Variants in ZNF607 observed in about 807,000 individuals in gnomAD.
ZNF607 encodes the protein zinc finger protein 607.
ZNF607 carries 5 observed loss-of-function variants against 12.8 expected under a neutral mutation model. That is an observed-to-expected ratio of 0.39 (90% CI 0.20 to 0.82). The LOEUF is 0.82. Among genes scored for constraint, ZNF607 ranks in the 40% least tolerant of loss-of-function variants. The pLI is 0.39. For missense variants in ZNF607, 851 were observed against 859.2 expected, an observed-to-expected ratio of 0.99 and a Z score of 0.12; for synonymous variants, 287 against 276.2, an observed-to-expected ratio of 1.04 and a Z score of -0.39.
rs1267747661 is a variant in ZNF607, at chr19:37,698,645, G to A, written c.1486C>T (p.Arg496Cys). 3 of 1,613,696 alleles carry A rather than the reference G, an allele frequency of 1.9e-6. No individual in the cohort carries two copies. Among genetic ancestry groups the A allele is most frequent in the Admixed American group, 3.3e-5 (2 of 59,968 alleles). Residue 496 changes from arginine to cysteine, a missense_variant, in exon 5 of 5, where the codon CGC becomes TGC. Coordinates refer to ENST00000355202, the MANE Select transcript of ZNF607 (RefSeq NM_032689.5). ...GGTTTCTCACCAGTATGAACTCTGC[G>A]ATGTATAGTGAGTTTATGGCTATAA... ...FSYSHKLTIH[R>C]RVHTGEKPYE... is the part of the protein sequence containing the mutation.
chr19:37,714,279 G>A (rs374384182), intron 1 of ZNF607, among the ~76,000 whole-genome samples: 12 of 150,876 alleles, frequency 8.0e-5, no homozygotes, highest in Admixed American at 2.7e-4. Context: ...CCAAGATCGC[G>A]CCACTGCACT....
At position 37,709,327 on chromosome 19, in the gene ZNF607, A is replaced by G. The variant is rs186858676; in HGVS notation, c.136+369T>C. ...TAATATCACTGCAAATGGATCAGAT[A>G]ATAAAATGGAGCACTATAGCAATTC... On this transcript the variant is annotated intron_variant, in intron 3 of 4. Transcript: ENST00000355202. Among the ~76,000 whole-genome samples, 162 of 152,364 alleles carry G rather than the reference A, an allele frequency of 1.1e-3. 3 individuals carry two copies. The highest frequency in any genetic ancestry group is 3.8e-3 in the African/African-American group (158 of 41,582).
At position 37,696,688 on chromosome 19, in the gene ZNF607, T is replaced by C; in HGVS notation, c.*1352A>G. The C allele has an allele frequency of 1.4e-6, 1 of 733,112 alleles. No homozygotes were observed. The highest frequency in any genetic ancestry group is 2.5e-6 in the Non-Finnish European group (1 of 406,818). 45.4% of individuals were successfully genotyped at this position (733,112 alleles called of 1,614,324 possible). ...GGTGATGTTCCGAGAGCATGAGAGC[T>C]GGTATGCAATGTCTTCTGCAGCTTC... On this transcript the variant is annotated 3_prime_UTR_variant, in exon 5 of 5. Coordinates refer to ENST00000355202, the MANE Select transcript of ZNF607 (RefSeq NM_032689.5).
chr19:37,711,671 G>A lies in ZNF607; in HGVS notation c.-53C>T. ...TCCTTGGCGTTTCTCTACCAGAAGA[G>A]CAAAGTCAAAAGAACCAAGACCTGA... On this transcript the variant is annotated 5_prime_UTR_variant, in exon 2 of 5. Coordinates refer to ENST00000355202, the MANE Select transcript of ZNF607 (RefSeq NM_032689.5). 1 of 1,602,796 alleles carries A rather than the reference G, an allele frequency of 6.2e-7. No homozygotes were observed.
At chr19:37,703,735 T>C (rs1399983142) in intron 4 of ZNF607, among the ~76,000 whole-genome samples, 1 of 152,108 alleles carries the variant, frequency 6.6e-6, no homozygotes, top group Non-Finnish European at 1.5e-5. Flanking sequence ...GATCAGTCTA[T>C]CAAGAAAACA....
chr19:37,702,386 G>A (rs1233589483), intron 4 of ZNF607, among the ~76,000 whole-genome samples: 4 of 147,396 alleles, frequency 2.7e-5, no homozygotes, highest in Non-Finnish European at 6.0e-5. Context: ...AAAAAACAAA[G>A]ATTTTGGCAG....
In ZNF607 at chr19:37,698,359, C is replaced by T. The variant is rs2044997956; in HGVS notation, c.1772G>A (p.Cys591Tyr). 1 of 1,614,126 alleles carries T rather than the reference C, an allele frequency of 6.2e-7. No individual in the cohort carries two copies. The highest frequency in any genetic ancestry group is 8.5e-7 in the Non-Finnish European group (1 of 1,180,008). Residue 591 changes from cysteine to tyrosine, a missense_variant, in exon 5 of 5, where the codon TGT becomes TAT. Cys to Tyr is a radical substitution (Grantham distance 194). Coordinates refer to ENST00000355202, the MANE Select transcript of ZNF607 (RefSeq NM_032689.5). ...ACTAAAAGTTTCCCCACATTCTTTA[C>T]ATTCATAGGACTTTTCACCAGCATG... Reference protein sequence around the residue: ...RTHAGEKSYECKECGETFSHA... With the variant: ...RTHAGEKSYEYKECGETFSHA...
chr19:37,699,324 T>C lies in ZNF607; in HGVS notation c.807A>G (p.Lys269=). The change falls in exon 5 of 5, where the codon AAA becomes AAG. Residue 269 remains lysine, a synonymous_variant. Coordinates refer to ENST00000355202, the MANE Select transcript of ZNF607 (RefSeq NM_032689.5). ...GKSFRLKAGL[K]VHQSIHTGEK... ...CTCCAGTATGAATACTCTGATGTAC[T>C]TTAAGGCCTGCTTTGAGCCTAAAGG... The C allele has an allele frequency of 6.2e-7, 1 of 1,613,972 alleles. No homozygotes were observed. The highest frequency in any genetic ancestry group is 1.7e-4 in the Middle Eastern group (1 of 6,058).
intron 4 of ZNF607, among the ~76,000 whole-genome samples, chr19:37,707,453 A>C (rs1031752014): frequency 1.3e-5 from 2 of 152,014 alleles, no homozygotes; most frequent in Non-Finnish European, 2.9e-5. Flanking sequence ...CAAAAACAAA[A>C]AAAAGGTTGG....
chr19:37,713,686 G>C (rs903620080), intron 1 of ZNF607, among the ~76,000 whole-genome samples: 3 of 151,944 alleles, frequency 2.0e-5, no homozygotes, highest in Non-Finnish European at 4.4e-5. Flanking sequence ...TGATCTGCCA[G>C]CCTCAGCCTC....
chr19:37,699,407 G>A lies in ZNF607; in HGVS notation c.724C>T (p.Arg242Ter), dbSNP rs751793603. The part of the protein sequence containing the change: ...KAFSVYGRLS[R>*]HQSIHTGEKP... The stretch of plus-strand genomic sequence containing the variant: ...TCACCAGTGTGAATACTCTGATGTC[G>A]ACTAAGTCGTCCATACACACTAAAG... Residue 242 changes from arginine (R) to a stop codon, truncating the protein, a stop_gained, in exon 5 of 5, where the codon CGA becomes TGA. Coordinates refer to ENST00000355202, the MANE Select transcript of ZNF607 (RefSeq NM_032689.5). LOFTEE classifies it low-confidence loss of function (END_TRUNC). 8.7e-5 allele frequency: 140 copies of A among 1,614,000 alleles called. No homozygotes were observed. Among genetic ancestry groups the A allele is most frequent in the Non-Finnish European group, 1.1e-4 (132 of 1,179,986 alleles).
Position 37,718,016 on chromosome 19 carries a change from C to T in ZNF607, c.-75+1253G>A, listed in dbSNP as rs189312433. ...ATTTTCTTAACCATTCCCATAATCT[C>T]GTTCATTAGTTTTCTGCAAAACCAT... On this transcript the variant is annotated intron_variant, in intron 1 of 4. Coordinates refer to ENST00000355202, the MANE Select transcript of ZNF607 (RefSeq NM_032689.5). Among the ~76,000 whole-genome samples the T allele has an allele frequency of 3.9e-5, 6 of 152,130 alleles. No homozygotes were observed. In the East Asian group the frequency reaches 9.7e-4, roughly 25 times the overall value.
rs771568143 is a variant in ZNF607 at position 37,699,157 on chromosome 19, G to C, written c.974C>G (p.Thr325Ser). The change falls in exon 5 of 5, where the codon ACC becomes AGC. Residue 325 changes from threonine (T) to serine (S), a missense_variant. Transcript: ENST00000355202. ...CCCTGAATAAATTCTCTGATGCATG[G>C]TAAGTTGATACCTACATGTAAAGCC... ...GKGFTCRYQL[T>S]MHQRIYSGEK... is the part of the protein sequence containing the mutation. The C allele has an allele frequency of 6.2e-7, 1 of 1,614,122 alleles. No homozygotes were observed. The highest frequency in any genetic ancestry group is 1.3e-5 in the African/African-American group (1 of 75,036).
chr19:37,712,910 G>C (rs139046205), intron 1 of ZNF607, among the ~76,000 whole-genome samples: 3 of 152,156 alleles, frequency 2.0e-5, no homozygotes, highest in Non-Finnish European at 4.4e-5. Flanking sequence ...TTAGAATTGT[G>C]TCTCCAACAA....
chr19:37,698,525 T>G lies in ZNF607; in HGVS notation c.1606A>C (p.Asn536His), dbSNP rs2045001270. ...AACCTAAAAGACTTCCCGCATTTGT[T>G]GCATTCAAAGGGTTTCTTACCACTG... is the stretch of plus-strand genomic sequence containing the variant. ...IHSGKKPFEC[N>H]KCGKSFRFIS... The change falls in exon 5 of 5, where the codon AAC becomes CAC. Residue 536 changes from asparagine to histidine, a missense_variant. Coordinates refer to ENST00000355202, the MANE Select transcript of ZNF607 (RefSeq NM_032689.5). The G allele has an allele frequency of 1.9e-6, 3 of 1,611,876 alleles. No homozygotes were observed. Among genetic ancestry groups the G allele is most frequent in the East Asian group, 2.2e-5 (1 of 44,840 alleles).
At chr19:37,700,444 G>A (rs532806162) in intron 4 of ZNF607, among the ~76,000 whole-genome samples, 2 of 152,198 alleles carry the variant, frequency 1.3e-5, no homozygotes, top group African/African-American at 2.4e-5. Context: ...TAGGATACAC[G>A]GTCATGCATA....
rs1442580759 is a variant in ZNF607, at chr19:37,696,882, G to A, written c.*1158C>T. ...CCTGTCTGTTAACTCCTTCAAGAAG[G>A]TCAGATGTGTCAAAGACACGTCGTC... On this transcript the variant is annotated 3_prime_UTR_variant, in exon 5 of 5. Coordinates refer to ENST00000355202, the MANE Select transcript of ZNF607 (RefSeq NM_032689.5). 3 of 699,778 alleles carry A rather than the reference G, an allele frequency of 4.3e-6. No homozygotes were observed. Among genetic ancestry groups the A allele is most frequent in the Admixed American group, 4.2e-5 (2 of 47,868 alleles). 43.3% of individuals were successfully genotyped at this position (699,778 alleles called of 1,614,324 possible). A position where few individuals can be genotyped will look rare whatever the true frequency, so the allele number is the denominator to read the frequency against.
Position 37,711,693 on chromosome 19 carries a change from C to T in ZNF607, c.-74-1G>A. On this transcript the variant is annotated splice_acceptor_variant, in intron 1 of 4. Transcript: ENST00000355202. LOFTEE classifies it low-confidence loss of function (5UTR_SPLICE). ...AGAGCAAAGTCAAAAGAACCAAGAC[C>T]TGAAAGAAGAGAAGACCTTGAGACC... 6.6e-7 allele frequency: 1 copy of T among 1,507,330 alleles called. No individual in the cohort carries two copies. Among genetic ancestry groups the T allele is most frequent in the African/African-American group, 1.4e-5 (1 of 72,710 alleles). 93.4% of individuals were successfully genotyped at this position (1,507,330 alleles called of 1,614,324 possible).
At position 37,697,559 on chromosome 19, in the gene ZNF607, A is replaced by C; in HGVS notation, c.*481T>G. 4.0e-6 allele frequency: 2 copies of C among 504,468 alleles called. No homozygotes were observed. Among genetic ancestry groups the C allele is most frequent in the East Asian group, 3.6e-5 (1 of 27,970 alleles). The allele number at this position is 504,468 out of a possible 1,614,324, so 31.2% of individuals were successfully genotyped here. On this transcript the variant is annotated 3_prime_UTR_variant, in exon 5 of 5. Coordinates refer to ENST00000355202, the MANE Select transcript of ZNF607 (RefSeq NM_032689.5). ...TCTTCCCCCATATCATCCCAGCTAT[A>C]GGAAGCAGATGTTGATCATGAGCAT...
Sources: allele counts gnomAD v4.1 joint callset (sites outside exome capture counted in the v4.1 genomes callset), GRCh38; gene constraint gnomAD v4.1.1; transcripts MANE v1.5; gene names NCBI Gene and HGNC (gene_info 2026-07-23, HGNC 2026-07-21).